The following DYNC2I1 variants were observed in gnomAD, a reference collection of about 807,000 sequenced individuals.
DYNC2I1 encodes the protein dynein 2 intermediate chain 1.
In DYNC2I1, 89 loss-of-function variants were observed where a neutral mutation model predicts 133.4. That is an observed-to-expected ratio of 0.67 (90% CI 0.56 to 0.80). The LOEUF is 0.80. DYNC2I1 is among the 30% of genes least tolerant of loss of function. DYNC2I1 has a pLI of 0.00. For missense variants in DYNC2I1, 1,291 were observed against 1,314.5 expected, an observed-to-expected ratio of 0.98 and a Z score of 0.28; for synonymous variants, 504 against 484.3, an observed-to-expected ratio of 1.04 and a Z score of -0.54.
rs116676494 is a variant in DYNC2I1, at chr7:158,885,735, A to G, written c.935+1116A>G. 6.9e-3 allele frequency among the ~76,000 whole-genome samples: 1,058 copies of G among 152,346 alleles called. 9 individuals carry two copies. Among genetic ancestry groups the G allele is most frequent in the African/African-American group, 0.024 (1,001 of 41,574 alleles). On this transcript the variant is annotated intron_variant, in intron 6 of 24. Transcript: ENST00000407559. The stretch of plus-strand genomic sequence containing the variant: ...TCAAAGATTAGAAAACCCAGGTTAA[A>G]TATCTTACCCAAATTTTTACAAGTT...
At chr7:158,868,534 G>C (rs1842610878) in intron 1 of DYNC2I1, among the ~76,000 whole-genome samples, 1 of 152,238 alleles carries the variant, frequency 6.6e-6, no homozygotes, top group Non-Finnish European at 1.5e-5. Flanking sequence ...AACCTTTCTT[G>C]GGTTTTATCT....
intron 10 of DYNC2I1, chr7:158,903,035 C>G (rs1846397651): frequency 6.2e-6 from 1 of 160,914 alleles, no homozygotes. Context: ...CTTATTTTTC[C>G]TGATGATGTG....
downstream of DYNC2I1, chr7:158,946,319 A>G (rs1851869606): frequency 6.6e-6 from 1 of 152,284 alleles, no homozygotes; most frequent in Admixed American, 6.5e-5. Context: ...TGTAGAAATC[A>G]TACAAGTAAA....
intron 17 of DYNC2I1, 135 bp downstream of exon 17, chr7:158,923,868 G>A (rs1483610587): frequency 1.8e-6 from 2 of 1,119,980 alleles, no homozygotes; most frequent in Non-Finnish European, 1.2e-6. Flanking sequence ...GGGCAAAAGA[G>A]GCATTTGATA....
chr7:158,884,619 A>C lies in DYNC2I1; in HGVS notation c.935A>C (p.Gln312Pro), dbSNP rs1404490913. ...ASSKRDGTSS[Q>P]HAENLVRNHG... The stretch of plus-strand genomic sequence containing the variant: ...TCAAAAAGAGATGGGACCAGCAGCC[A>C]GTAAGGATTGCATGCCCTGTGGTCG... Residue 312 changes from glutamine (Q) to proline (P), a missense_variant and splice_region_variant, in exon 6 of 25, where the codon CAG becomes CCG. By Grantham distance (76) the Gln-to-Pro change is moderately conservative (BLOSUM62 -1). Coordinates refer to ENST00000407559, the MANE Select transcript of DYNC2I1 (RefSeq NM_018051.5). The C allele has an allele frequency of 6.2e-7, 1 of 1,613,238 alleles. No individual in the cohort carries two copies. The highest frequency in any genetic ancestry group is 8.5e-7 in the Non-Finnish European group (1 of 1,179,624).
At chr7:158,926,496 G>T (rs368173416) in intron 19 of DYNC2I1, 33 bp downstream of exon 19, 71 of 1,604,598 alleles carry the variant, frequency 4.4e-5, no homozygotes, top group Non-Finnish European at 6.0e-5. Flanking sequence ...CACATGCGGG[G>T]CCTGAGTGAG....
intron 4 of DYNC2I1, among the ~76,000 whole-genome samples, chr7:158,955,178 G>C (rs1467591154): frequency 6.6e-6 from 1 of 152,200 alleles, no homozygotes; most frequent in Non-Finnish European, 1.5e-5. Context: ...ATAATGTTGG[G>C]GGAAGCATCC....
At chr7:158,848,922 CA>C in the DYNC2I1 span, among the ~76,000 whole-genome samples, 25,585 of 140,182 alleles carry the variant, frequency 0.18, 2,580 homozygotes, top group Middle Eastern at 0.32. Flanking sequence ...GACTCCGTTT[CA>C]AAAAAAAAAA....
At chr7:158,949,137 A>G (rs544858801), downstream of DYNC2I1, among the ~76,000 whole-genome samples, 1 of 152,168 alleles carries the variant, frequency 6.6e-6, no homozygotes, top group African/African-American at 2.4e-5. Context: ...GTCCAACAGC[A>G]CCTCTGGCCT....
rs1296224982 is a variant in DYNC2I1, at chr7:158,883,809, G to A, written c.880-755G>A. Among the ~76,000 whole-genome samples, 38 of 148,574 alleles carry A rather than the reference G, an allele frequency of 2.6e-4. 1 individual carries two copies. The highest frequency in any genetic ancestry group is 3.1e-4 in the Non-Finnish European group (21 of 67,212). ...CTCCCGAGTAGCTGGGACTACAGGC[G>A]CCCGCCACCACACCCGGCTAATTTT... On this transcript the variant is annotated intron_variant, in intron 5 of 24. Coordinates refer to ENST00000407559, the MANE Select transcript of DYNC2I1 (RefSeq NM_018051.5).
intron 23 of DYNC2I1, among the ~76,000 whole-genome samples, chr7:158,941,166 C>G (rs766589666): frequency 6.6e-6 from 1 of 152,100 alleles, no homozygotes; most frequent in Non-Finnish European, 1.5e-5. Context: ...CTCAGAAATA[C>G]AAATAATCAT....
the DYNC2I1 span, among the ~76,000 whole-genome samples, chr7:158,848,752 A>G: frequency 4.9e-3 from 753 of 152,206 alleles, 3 homozygotes; most frequent in Non-Finnish European, 8.0e-3. Flanking sequence ...GTGAAACCCC[A>G]TCTCTACTAA....
chr7:158,951,518 T>C (rs1194993507), intron 4 of DYNC2I1, among the ~76,000 whole-genome samples: 1 of 152,184 alleles, frequency 6.6e-6, no homozygotes, highest in African/African-American at 2.4e-5. Flanking sequence ...AAGGAGAGAC[T>C]GGGCGTGTTC....
chr7:158,957,554 G>A (rs1852229101), downstream of DYNC2I1, among the ~76,000 whole-genome samples: 2 of 152,208 alleles, frequency 1.3e-5, no homozygotes, highest in South Asian at 4.1e-4. Flanking sequence ...CGCCGGGGGC[G>A]CATCCTTCCC....
At chr7:158,931,710 TTCCTGAGA>T (rs1308311513) in intron 21 of DYNC2I1, among the ~76,000 whole-genome samples, 89 of 152,356 alleles carry the variant, frequency 5.8e-4, no homozygotes, top group African/African-American at 2.1e-3. Context: ...TAGCAGTGTC[TTCCTGAGA>T]TCCATGCATA....
chr7:158,916,818 A>G (rs1848381905), intron 14 of DYNC2I1, among the ~76,000 whole-genome samples: 2 of 55,616 alleles, frequency 3.6e-5, no homozygotes, highest in African/African-American at 1.4e-4. Context: ...TGATTGTGAA[A>G]CGTCGACACG....
At chr7:158,913,219 T>C (rs1847666566) in intron 13 of DYNC2I1, 123 bp downstream of exon 13, 1 of 728,470 alleles carries the variant, frequency 1.4e-6, no homozygotes, top group African/African-American at 1.8e-5. Flanking sequence ...GTTGTTAGCA[T>C]GTGACAATAG....
At chr7:158,908,512 A>G (rs1197741826) in intron 11 of DYNC2I1, among the ~76,000 whole-genome samples, 3 of 152,234 alleles carry the variant, frequency 2.0e-5, no homozygotes, top group Non-Finnish European at 4.4e-5. Context: ...CTAATGCATA[A>G]AATGTTTTTA....
At chr7:158,934,697 C>A in intron 23 of DYNC2I1, 148 bp downstream of exon 23, 1 of 776,276 alleles carries the variant, frequency 1.3e-6, no homozygotes, top group Non-Finnish European at 2.0e-6. Context: ...CCTCCCACCT[C>A]AGCCTCCCGA....
Sources: gnomAD v4.1 joint callset for allele counts (sites outside exome capture counted in the v4.1 genomes callset) on GRCh38, gnomAD v4.1.1 for gene constraint, MANE v1.5 for transcripts, NCBI Gene and HGNC (gene_info 2026-07-23, HGNC 2026-07-21) for gene names.